GRAMD4: variants seen among roughly 807,000 people sequenced by gnomAD.
GRAMD4 encodes the protein GRAM domain containing 4, also known as GRAM domain-containing protein 4.
Under a neutral mutation model 83.9 loss-of-function variants are expected in GRAMD4, and 25 were observed. The ratio of observed to expected loss-of-function variants is 0.30; its 90% confidence interval spans 0.22 to 0.42. The LOEUF (loss-of-function observed/expected upper bound fraction) is 0.42. GRAMD4 is among the 10% of genes least tolerant of loss of function. The pLI is 1.00. For synonymous variants in GRAMD4, 336 were observed against 320.9 expected, an observed-to-expected ratio of 1.05 and a Z score of -0.50; for missense variants, 593 against 788.7, an observed-to-expected ratio of 0.75 and a Z score of 2.97.
At position 46,668,738 on chromosome 22, in the gene GRAMD4, T is replaced by A; in HGVS notation, c.974+6T>A. The stretch of plus-strand genomic sequence containing the variant: ...ATCCTGGAGAAGATCAAGAAGTAAG[T>A]CCCGCCCCCCACCCCGGCCCTGCGG... On this transcript the variant is annotated splice_donor_region_variant and intron_variant, in intron 12 of 18. Transcript: ENST00000406902. The A allele has an allele frequency of 1.2e-6, 1 of 817,938 alleles. No homozygotes were observed. Among genetic ancestry groups the A allele is most frequent in the Non-Finnish European group, 2.0e-6 (1 of 503,724 alleles). 50.7% of individuals were successfully genotyped at this position (817,938 alleles called of 1,614,324 possible).
At position 46,665,436 on chromosome 22, in the gene GRAMD4, G is replaced by A. The variant is rs370237045; in HGVS notation, c.718-179G>A. ...GGCTTCCACCGGCGGCTCTTAAACC[G>A]GGGAAGCAGCCCTTCCTCCGGCTTC... On this transcript the variant is annotated intron_variant, in intron 8 of 18. Transcript: ENST00000406902. Among the ~76,000 whole-genome samples the A allele has an allele frequency of 5.5e-4, 83 of 152,168 alleles. 1 individual carries two copies. The highest frequency in any genetic ancestry group is 1.2e-4 in the Non-Finnish European group (8 of 68,018).
chr22:46,585,982 TTGTC>T (rs1569245075), intron 1 of GRAMD4, among the ~76,000 whole-genome samples: 3 of 152,144 alleles, frequency 2.0e-5, no homozygotes, highest in African/African-American at 7.2e-5. Context: ...CCTGGCTCCT[TTGTC>T]TGCCCCCGAA....
rs1220906652 is a variant in GRAMD4 at position 46,678,243 on chromosome 22, C to T, written c.*992C>T. 5.1e-6 allele frequency: 5 copies of T among 985,482 alleles called. No individual in the cohort carries two copies. In the African/African-American group the frequency reaches 7.0e-5, roughly 14 times the overall value. 61.0% of individuals were successfully genotyped at this position (985,482 alleles called of 1,614,324 possible). ...CCATGGTGGCCCAGGCTGCAGCCGC[C>T]TTTGGGCCATCCGAGAGGCTCTGGC... is the stretch of plus-strand genomic sequence containing the variant. On this transcript the variant is annotated 3_prime_UTR_variant, in exon 19 of 19. Transcript: ENST00000406902.
intron 6 of GRAMD4, among the ~76,000 whole-genome samples, chr22:46,663,574 C>T (rs183812398): frequency 6.6e-6 from 1 of 152,224 alleles, no homozygotes; most frequent in Non-Finnish European, 1.5e-5. Context: ...GACTTCTGTT[C>T]TGGGGACACA....
chr22:46,630,854 GCC>G (rs2081760967), intron 2 of GRAMD4, among the ~76,000 whole-genome samples: 2 of 88,746 alleles, frequency 2.3e-5, no homozygotes, highest in African/African-American at 6.5e-5. Flanking sequence ...TGTGCGGTGT[GCC>G]CTCCATAGCC....
At chr22:46,679,805 C>A (rs955100385), downstream of GRAMD4, 1 of 984,200 alleles carries the variant, frequency 1.0e-6, no homozygotes, top group South Asian at 4.7e-5. Flanking sequence ...CTGTCTGCCT[C>A]CTTGGCAGGG....
rs534574219 is a variant in GRAMD4, at chr22:46,667,630, C to T, written c.859-466C>T. Among the ~76,000 whole-genome samples the T allele has an allele frequency of 5.3e-5, 8 of 152,372 alleles. No individual in the cohort carries two copies. The South Asian group carries it at 1.7e-3, about 32-fold the overall frequency. ...CCTCCACGGGCCTAGTTGGGTATCT[C>T]AGTGCCTGTTTCTTGCATGGAGCAC... On this transcript the variant is annotated intron_variant, in intron 10 of 18. Coordinates refer to ENST00000406902, the MANE Select transcript of GRAMD4 (RefSeq NM_015124.5).
rs1400028244 is a variant in GRAMD4, at chr22:46,620,394, C to CT, written c.-220dup. On this transcript the variant is annotated 5_prime_UTR_variant, in exon 1 of 19. Transcript: ENST00000406902. The surrounding 1 kb of genome is among the most constrained non-coding windows in gnomAD (Gnocchi z 4.7). ...TGCTGCCCTGCTCTGGTGCACAGGA[C>CT]TGGAGTCCTCCAGGCTCCAGGGCAG... 3 of 985,254 alleles carry CT rather than the reference C, an allele frequency of 3.0e-6. No individual in the cohort carries two copies. The African/African-American group carries it at 5.2e-5, about 17-fold the overall frequency. 61.0% of individuals were successfully genotyped at this position (985,254 alleles called of 1,614,324 possible). A position where few individuals can be genotyped will look rare whatever the true frequency, so the allele number is the denominator to read the frequency against.
At position 46,677,732 on chromosome 22, in the gene GRAMD4, G is replaced by T; in HGVS notation, c.*481G>T. On this transcript the variant is annotated 3_prime_UTR_variant, in exon 19 of 19. Coordinates refer to ENST00000406902, the MANE Select transcript of GRAMD4 (RefSeq NM_015124.5). ...GAAAGATGTCGTCAAGGAGGGACAT[G>T]GGGGCCTTTCACCAACCACCGAGAA... The T allele has an allele frequency of 9.2e-6, 9 of 982,006 alleles. No individual in the cohort carries two copies. Among genetic ancestry groups the T allele is most frequent in the Non-Finnish European group, 9.7e-6 (8 of 828,798 alleles). The allele number at this position is 982,006 out of a possible 1,614,324, so 60.8% of individuals were successfully genotyped here.
At chr22:46,584,446 C>G (rs1311179818) in intron 1 of GRAMD4, among the ~76,000 whole-genome samples, 1 of 152,188 alleles carries the variant, frequency 6.6e-6, no homozygotes, top group Non-Finnish European at 1.5e-5. Flanking sequence ...CTGATGAACT[C>G]TGATCCGTTT....
rs1450944645 is a variant in GRAMD4, at chr22:46,668,670, C to T, written c.931-19C>T. On this transcript the variant is annotated intron_variant, in intron 11 of 18. Coordinates refer to ENST00000406902, the MANE Select transcript of GRAMD4 (RefSeq NM_015124.5). ...CCAGGAGCGGGGGCTGTTGTAATTG[C>T]TGTTTCTCCTTCACACAGAACCTTT... is the stretch of plus-strand genomic sequence containing the variant. 3.7e-6 allele frequency: 6 copies of T among 1,610,774 alleles called. No homozygotes were observed. Among genetic ancestry groups the T allele is most frequent in the Non-Finnish European group, 5.1e-6 (6 of 1,178,480 alleles).
rs2082114981 is a variant in GRAMD4, at chr22:46,648,791, GATGGATGGATGC to G, written c.284-9384_284-9373del. Among the ~76,000 whole-genome samples the G allele has an allele frequency of 1.5e-4, 20 of 130,202 alleles. 1 individual carries two copies. Among genetic ancestry groups the G allele is most frequent in the African/African-American group, 4.7e-4 (15 of 32,230 alleles). 85.4% of individuals were successfully genotyped at this position (130,202 alleles called of 152,430 possible). A position where few individuals can be genotyped will look rare whatever the true frequency, so the allele number is the denominator to read the frequency against. ...GCATGGATGGATGGATGGATGGATG[GATGGATGGATGC>G]ATGGATGGATGGATGGATGGATGGA... On this transcript the variant is annotated intron_variant, in intron 3 of 18. Transcript: ENST00000406902.
chr22:46,655,053 T>C (rs1319484020), intron 3 of GRAMD4, among the ~76,000 whole-genome samples: 2 of 152,010 alleles, frequency 1.3e-5, no homozygotes, highest in Non-Finnish European at 2.9e-5. Flanking sequence ...GGAAGTGGTA[T>C]TGGGGTCAGG....
intron 13 of GRAMD4, among the ~76,000 whole-genome samples, chr22:46,670,353 T>A (rs965130570): frequency 6.6e-6 from 1 of 152,026 alleles, no homozygotes; most frequent in Non-Finnish European, 1.5e-5. Context: ...TCACCAGGAG[T>A]GGGCAGAGCC....
upstream of GRAMD4, among the ~76,000 whole-genome samples, chr22:46,615,832 A>G (rs78139897): frequency 0.23 from 755 of 3,350 alleles, 303 homozygotes; most frequent in East Asian, 0.6. Flanking sequence ...GGGTTCCCCC[A>G]TGTGTAAGTT....
chr22:46,623,387 A>G (rs2147149032), intron 1 of GRAMD4, among the ~76,000 whole-genome samples: 1 of 151,692 alleles, frequency 6.6e-6, no homozygotes, highest in African/African-American at 2.4e-5. Flanking sequence ...TCCTTTCTTT[A>G]TTTTATTTTA....
chr22:46,674,021 G>A (rs924057384), intron 15 of GRAMD4, among the ~76,000 whole-genome samples: 3 of 152,228 alleles, frequency 2.0e-5, no homozygotes, highest in African/African-American at 4.8e-5. Flanking sequence ...GGGCGTGCCC[G>A]TGGGGAGAGC....
At chr22:46,665,365 C>T in intron 8 of GRAMD4, among the ~76,000 whole-genome samples, 1 of 152,232 alleles carries the variant, frequency 6.6e-6, no homozygotes, top group East Asian at 1.9e-4. Context: ...GTGGAACCAG[C>T]CGCCCTCTTC....
rs575674051 is a variant in GRAMD4, at chr22:46,656,068, C to T, written c.284-2119C>T. 1.2e-4 allele frequency among the ~76,000 whole-genome samples: 19 copies of T among 152,150 alleles called. No individual in the cohort carries two copies. The South Asian group carries it at 1.7e-3, about 13-fold the overall frequency. On this transcript the variant is annotated intron_variant, in intron 3 of 18. Transcript: ENST00000406902. ...CCAGTGCCCCCCACCCCAGCCTCCACGGGGAGGGTCTTCTCCAGGCCAGCT... is the reference window on the plus strand; with the variant it reads ...CCAGTGCCCCCCACCCCAGCCTCCATGGGGAGGGTCTTCTCCAGGCCAGCT...
Sources: allele counts gnomAD v4.1 joint callset (sites outside exome capture counted in the v4.1 genomes callset), GRCh38; gene constraint gnomAD v4.1.1; non-coding constraint Gnocchi (gnomAD v3.1); transcripts MANE v1.5; gene names NCBI Gene and HGNC (gene_info 2026-07-23, HGNC 2026-07-21).